The following CA1 variants were observed in gnomAD, a reference collection of about 807,000 sequenced individuals.
CA1 encodes carbonate dehydratase I.
CA1 carries 27 observed loss-of-function variants against 28.8 expected under a neutral mutation model. That is an observed-to-expected ratio of 0.94 (90% CI 0.69 to 1.29). CA1 has a LOEUF of 1.29. Ranked by LOEUF, CA1 falls within the 50% of genes most tolerant of loss-of-function variation. CA1 has a pLI of 0.00. For missense variants in CA1, 335 were observed against 310.5 expected, an observed-to-expected ratio of 1.08 and a Z score of -0.59; for synonymous variants, 121 against 108.8, an observed-to-expected ratio of 1.11 and a Z score of -0.70.
chr8:85,362,799 A>C (rs1809849344), intron 1 of CA1, among the ~76,000 whole-genome samples: 1 of 152,178 alleles, frequency 6.6e-6, no homozygotes, highest in African/African-American at 2.4e-5. Flanking sequence ...TCATCCATTG[A>C]TTCTATTGAT....
chr8:85,351,258 T>C (rs552298930), intron 1 of CA1, among the ~76,000 whole-genome samples: 1 of 152,374 alleles, frequency 6.6e-6, no homozygotes, highest in South Asian at 2.1e-4. Context: ...GGTATGGCAC[T>C]CACTGTGCCA....
chr8:85,348,526 C>T (rs1016642667), intron 1 of CA1, among the ~76,000 whole-genome samples: 1 of 152,160 alleles, frequency 6.6e-6, no homozygotes, highest in East Asian at 1.9e-4. Context: ...TGCAGAACGA[C>T]TCATTACTCA....
At chr8:85,365,530 C>T (rs1809971915) in intron 1 of CA1, among the ~76,000 whole-genome samples, 2 of 152,140 alleles carry the variant, frequency 1.3e-5, no homozygotes, top group Non-Finnish European at 2.9e-5. Context: ...GTGTTCTGCA[C>T]CCGTTCGTCA....
chr8:85,357,339 C>A (rs1200579300), intron 1 of CA1, among the ~76,000 whole-genome samples: 1 of 152,154 alleles, frequency 6.6e-6, no homozygotes, highest in African/African-American at 2.4e-5. Context: ...TCAAGTAGGC[C>A]TGAACACCTG....
intron 2 of CA1, chr8:85,341,011 G>C (rs568750852): frequency 2.3e-4 from 35 of 153,070 alleles, no homozygotes; most frequent in Non-Finnish European, 4.5e-4. Context: ...TAGGCGTGGT[G>C]GTGGGCACCT....
chr8:85,372,673 G>C (rs1045311188), intron 1 of CA1, among the ~76,000 whole-genome samples: 1 of 152,164 alleles, frequency 6.6e-6, no homozygotes, highest in Non-Finnish European at 1.5e-5. Flanking sequence ...AGTTATGTAT[G>C]ATCCACCACA....
intron 1 of CA1, among the ~76,000 whole-genome samples, chr8:85,369,911 A>G (rs1173676617): frequency 6.6e-6 from 1 of 152,224 alleles, no homozygotes; most frequent in South Asian, 2.1e-4. Flanking sequence ...CAGTTCAACA[A>G]GTAGCCAAGT....
intron 1 of CA1, among the ~76,000 whole-genome samples, chr8:85,357,940 G>A (rs1057342600): frequency 3.3e-5 from 5 of 152,182 alleles, no homozygotes; most frequent in African/African-American, 1.2e-4. Flanking sequence ...GAGTGACTGT[G>A]TGAATTCATT....
rs768056328 is a variant in CA1, at chr8:85,338,178, T to G, written c.235+74A>C. 2.5e-6 allele frequency: 3 copies of G among 1,217,898 alleles called. No individual in the cohort carries two copies. The South Asian group carries it at 3.6e-5, about 15-fold the overall frequency. The allele number at this position is 1,217,898 out of a possible 1,614,324, so 75.4% of individuals were successfully genotyped here. On this transcript the variant is annotated intron_variant, in intron 3 of 7. Transcript: ENST00000523022. ...CAAAAGACTTAGAATGGGTGTCATA[T>G]TTCTCGAGCACTATTTTTTAAATTT...
At chr8:85,370,231 T>C (rs1389048003) in intron 1 of CA1, among the ~76,000 whole-genome samples, 1 of 152,214 alleles carries the variant, frequency 6.6e-6, no homozygotes, top group African/African-American at 2.4e-5. Context: ...TTGTACTGTT[T>C]TTCCTTCACT....
rs563822108 is a variant in CA1 at position 85,334,764 on chromosome 8, G to A, written c.355-1144C>T. On this transcript the variant is annotated intron_variant, in intron 4 of 7. Transcript: ENST00000523022. Reference sequence around the variant, plus strand: ...TTCCAGCACTTTGGGAGGCCGAGGCGGGCGGATCACGAGGTCAGGAGTTCG... The same window carrying A: ...TTCCAGCACTTTGGGAGGCCGAGGCAGGCGGATCACGAGGTCAGGAGTTCG... Among the ~76,000 whole-genome samples the A allele has an allele frequency of 5.3e-5, 8 of 152,094 alleles. No individual in the cohort carries two copies. In the South Asian group the frequency reaches 1.0e-3, roughly 20 times the overall value.
At chr8:85,332,833 A>G (rs1277873288) in intron 5 of CA1, among the ~76,000 whole-genome samples, 1 of 152,164 alleles carries the variant, frequency 6.6e-6, no homozygotes, top group African/African-American at 2.4e-5. Context: ...AAATCTAGTA[A>G]TTTATCAAAA....
chr8:85,358,019 A>G (rs141390335), intron 1 of CA1, among the ~76,000 whole-genome samples: 2,893 of 152,320 alleles, frequency 0.019, 91 homozygotes, highest in African/African-American at 0.066. Context: ...TCCAAGAAAC[A>G]TACAGAAACA....
chr8:85,353,666 T>TACAA (rs1292221474), intron 1 of CA1, among the ~76,000 whole-genome samples: 1 of 152,118 alleles, frequency 6.6e-6, no homozygotes, highest in African/African-American at 2.4e-5. Flanking sequence ...TTGGCCATTA[T>TACAA]ACAAAGAGTA....
chr8:85,375,538 A>G (rs951620874), intron 1 of CA1, among the ~76,000 whole-genome samples: 2 of 152,138 alleles, frequency 1.3e-5, no homozygotes, highest in Non-Finnish European at 2.9e-5. Context: ...AAAGATTAGA[A>G]CAAATAGAAA....
intron 1 of CA1, among the ~76,000 whole-genome samples, chr8:85,351,571 A>G (rs1809413232): frequency 6.6e-6 from 1 of 152,196 alleles, no homozygotes; most frequent in Non-Finnish European, 1.5e-5. Flanking sequence ...GCAATAATAG[A>G]TGTGACCTTT....
At position 85,337,050 on chromosome 8, in the gene CA1, A is replaced by G. The variant is rs1808689645; in HGVS notation, c.249T>C (p.Gly83=). ...AGAGCCTGTAGCTGTCAGAGAAAGG[A>G]CCACCTTTCAGCACTGGAAGAAAAG... The part of the protein sequence containing the change: ...DNDNRSVLKG[G]PFSDSYRLFQ... The change falls in exon 4 of 8, where the codon GGT becomes GGC. Residue 83 remains glycine (G), a synonymous_variant. Transcript: ENST00000523022. 2 of 1,602,990 alleles carry G rather than the reference A, an allele frequency of 1.2e-6. No individual in the cohort carries two copies. Among genetic ancestry groups the G allele is most frequent in the African/African-American group, 1.3e-5 (1 of 74,676 alleles).
At chr8:85,337,944 C>A in intron 3 of CA1, 1 of 465,750 alleles carries the variant, frequency 2.1e-6, no homozygotes, top group Non-Finnish European at 3.9e-6. Flanking sequence ...ATGACTGGTT[C>A]ACTAGACCTT....
At chr8:85,365,507 A>C (rs1379311051) in intron 1 of CA1, among the ~76,000 whole-genome samples, 2 of 152,172 alleles carry the variant, frequency 1.3e-5, no homozygotes, top group African/African-American at 2.4e-5. Flanking sequence ...CCAAATATGG[A>C]CTTTGTGCCA....
Sources: allele counts gnomAD v4.1 joint callset (sites outside exome capture counted in the v4.1 genomes callset), GRCh38; gene constraint gnomAD v4.1.1; transcripts MANE v1.5; gene names NCBI Gene and HGNC (gene_info 2026-07-23, HGNC 2026-07-21).